The following KLF17 variants were observed in gnomAD, a reference collection of about 807,000 sequenced individuals.
KLF17 encodes Krueppel-like factor 17.
Under a neutral mutation model 34.2 loss-of-function variants are expected in KLF17, and 31 were observed. The ratio of observed to expected loss-of-function variants is 0.91; its 90% CI spans 0.68 to 1.22. The LOEUF (loss-of-function observed/expected upper bound fraction) is 1.22. Ranked by LOEUF, KLF17 falls within the 50% of genes most tolerant of loss-of-function variation. The pLI is 0.00. For synonymous variants in KLF17, 179 were observed against 186.7 expected, an observed-to-expected ratio of 0.96 and a Z score of 0.34; for missense variants, 478 against 505.2, an observed-to-expected ratio of 0.95 and a Z score of 0.52.
the KLF17 span, chr1:44,104,192 G>T: frequency 1.9e-6 from 2 of 1,077,090 alleles, no homozygotes; most frequent in Admixed American, 1.7e-5. Flanking sequence ...TCTTGATGAG[G>T]ACAAATTGAT....
chr1:44,049,208 C>T, the KLF17 span, among the ~76,000 whole-genome samples: 1 of 152,268 alleles, frequency 6.6e-6, no homozygotes, highest in Non-Finnish European at 1.5e-5. Context: ...CTAATCCCAT[C>T]ATGAGGACCC....
chr1:44,095,513 C>G, the KLF17 span, among the ~76,000 whole-genome samples: 2 of 152,126 alleles, frequency 1.3e-5, no homozygotes, highest in South Asian at 2.1e-4. Flanking sequence ...CCATGCCCAG[C>G]CTTTTATATC....
chr1:44,122,204 T>TCCTCTG (rs1193180789), intron 1 of KLF17: 22 of 1,602,122 alleles, frequency 1.4e-5, no homozygotes, highest in East Asian at 8.9e-5. Context: ...CTCTTCCTCT[T>TCCTCTG]CCTCTGCCTC....
At chr1:44,109,579 G>C in the KLF17 span, among the ~76,000 whole-genome samples, 1 of 151,958 alleles carries the variant, frequency 6.6e-6, no homozygotes, top group Non-Finnish European at 1.5e-5. Flanking sequence ...TTTTTTAACT[G>C]TACCTGCTGG....
the KLF17 span, among the ~76,000 whole-genome samples, chr1:44,077,119 C>A: frequency 1.1e-3 from 166 of 151,568 alleles, 1 homozygote; most frequent in East Asian, 8.3e-3. Flanking sequence ...CCGAGGCGGG[C>A]AGATTAGTTT....
chr1:44,057,018 C>T, the KLF17 span, among the ~76,000 whole-genome samples: 1 of 151,946 alleles, frequency 6.6e-6, no homozygotes, highest in African/African-American at 2.4e-5. Flanking sequence ...TTCATTCCTG[C>T]GTGGAAACCA....
At chr1:44,062,214 C>T in the KLF17 span, among the ~76,000 whole-genome samples, 1 of 152,190 alleles carries the variant, frequency 6.6e-6, no homozygotes, top group East Asian at 1.9e-4. Flanking sequence ...GTCTTTCTTT[C>T]CCCAAGAGAA....
chr1:44,109,578 T>G, the KLF17 span, among the ~76,000 whole-genome samples: 2 of 152,214 alleles, frequency 1.3e-5, no homozygotes, highest in African/African-American at 4.8e-5. Flanking sequence ...TTTTTTTAAC[T>G]GTACCTGCTG....
the KLF17 span, among the ~76,000 whole-genome samples, chr1:44,102,089 A>G: frequency 6.6e-6 from 1 of 152,150 alleles, no homozygotes; most frequent in East Asian, 1.9e-4. Flanking sequence ...AAATGGGAAC[A>G]AAGAGGAAGG....
the KLF17 span, among the ~76,000 whole-genome samples, chr1:44,071,343 C>A: frequency 1.3e-5 from 2 of 152,202 alleles, no homozygotes; most frequent in African/African-American, 4.8e-5. Context: ...ACAGTCTACA[C>A]TTAGGTTACT....
the KLF17 span, among the ~76,000 whole-genome samples, chr1:44,051,811 C>T: frequency 6.6e-6 from 1 of 152,176 alleles, no homozygotes; most frequent in Non-Finnish European, 1.5e-5. Context: ...TGTTCTGTGA[C>T]CTCCAACTTG....
At chr1:44,060,329 G>A in the KLF17 span, among the ~76,000 whole-genome samples, 16 of 152,200 alleles carry the variant, frequency 1.1e-4, no homozygotes, top group Admixed American at 5.2e-4. Context: ...TTACCCGGGC[G>A]TGGTGGCGAG....
the KLF17 span, among the ~76,000 whole-genome samples, chr1:44,079,952 A>G: frequency 1.3e-5 from 2 of 149,918 alleles, no homozygotes; most frequent in African/African-American, 4.9e-5. Flanking sequence ...TTTTTGAGAC[A>G]GAGTCTCACT....
rs1475418268 is a variant in KLF17 at position 44,133,675 on chromosome 1, G to C, written c.*438G>C. The C allele has an allele frequency of 2.0e-5, 3 of 152,322 alleles. No individual in the cohort carries two copies. Among genetic ancestry groups the C allele is most frequent in the Non-Finnish European group, 4.4e-5 (3 of 68,150 alleles). The allele number at this position is 152,322 out of a possible 1,614,324, so 9.4% of individuals were successfully genotyped here. The stretch of plus-strand genomic sequence containing the variant: ...TCCTCTGCAGGCTCAAGCCTATCTG[G>C]GCCTCTGGGGAAGCCCCACAGCCTT... On this transcript the variant is annotated 3_prime_UTR_variant, in exon 4 of 4. Transcript: ENST00000372299.
chr1:44,112,228 C>T, the KLF17 span, among the ~76,000 whole-genome samples: 2 of 152,148 alleles, frequency 1.3e-5, no homozygotes, highest in Non-Finnish European at 2.9e-5. Flanking sequence ...CTTCTTTACA[C>T]TGTCAGGAAA....
chr1:44,127,639 CTTCTTTCT>C (rs34643385), intron 1 of KLF17, among the ~76,000 whole-genome samples: 1,009 of 77,306 alleles, frequency 0.013, 12 homozygotes, highest in Non-Finnish European at 0.018. Context: ...CTTTTCTTTC[CTTCTTTCT>C]TTCTTTCTTT....
the KLF17 span, among the ~76,000 whole-genome samples, chr1:44,093,095 C>G: frequency 6.6e-6 from 1 of 152,246 alleles, no homozygotes; most frequent in East Asian, 1.9e-4. Flanking sequence ...GACAGTTTTG[C>G]TTGATGTGAT....
the KLF17 span, among the ~76,000 whole-genome samples, chr1:44,098,653 C>G: frequency 2.3e-3 from 340 of 150,332 alleles, 1 homozygote; most frequent in Admixed American, 6.2e-3. Context: ...TGGGTTCACG[C>G]CATTCTCCTG....
chr1:44,073,209 CT>C, the KLF17 span, among the ~76,000 whole-genome samples: 696 of 137,742 alleles, frequency 5.1e-3, 1 homozygote, highest in African/African-American at 8.3e-3. Flanking sequence ...TCTTCTTCTT[CT>C]TTTTTTTTTT....
Sources: allele counts gnomAD v4.1 joint callset (sites outside exome capture counted in the v4.1 genomes callset), GRCh38; gene constraint gnomAD v4.1.1; transcripts MANE v1.5; gene names NCBI Gene and HGNC (gene_info 2026-07-23, HGNC 2026-07-21).